PKP2: variants seen among roughly 807,000 people sequenced by gnomAD.
PKP2 encodes plakophilin 2.
In PKP2, 73 loss-of-function variants were observed where a neutral mutation model predicts 83.4. The observed-to-expected ratio is 0.88, with a 90% CI of 0.72 to 1.06. The LOEUF (loss-of-function observed/expected upper bound fraction) is 1.06, where lower values mean the gene tolerates loss of function less well. PKP2 is among the 50% of genes least tolerant of loss of function. The probability of loss-of-function intolerance (pLI) is 0.00; values close to 1 mark genes in which losing one functional copy is unlikely to be tolerated. For synonymous variants in PKP2, 409 were observed against 430.4 expected (o/e 0.95, Z 0.62); for missense variants, 966 against 1,065.4 (o/e 0.91, Z 1.30).
At chr12:32,825,303 G>A (rs900238407) in intron 6 of PKP2, among the ~76,000 whole-genome samples, 2 of 151,658 alleles carry the variant, frequency 1.3e-5, no homozygotes, top group Admixed American at 1.3e-4. Context: ...CGAGTAGCTG[G>A]GACTACAGGC....
chr12:32,834,464 A>G (rs1355157630), intron 6 of PKP2, among the ~76,000 whole-genome samples: 1 of 152,290 alleles, frequency 6.6e-6, no homozygotes, highest in Non-Finnish European at 1.5e-5. Flanking sequence ...CACCTGAAGA[A>G]TGAGGCCACT....
intron 1 of PKP2, chr12:32,893,570 G>C (rs1464217209): frequency 2.6e-5 from 4 of 152,168 alleles, no homozygotes; most frequent in Non-Finnish European, 4.4e-5. Context: ...AAGTAAGTAG[G>C]TGTTGTTTGC....
intron 6 of PKP2, among the ~76,000 whole-genome samples, chr12:32,826,844 C>T (rs757106932): frequency 2.6e-5 from 4 of 152,216 alleles, no homozygotes; most frequent in East Asian, 1.9e-4. Flanking sequence ...CAAAAGTTTC[C>T]GTTACTTTTC....
intron 1 of PKP2, among the ~76,000 whole-genome samples, chr12:32,888,499 T>C (rs1957050069): frequency 6.6e-6 from 1 of 152,074 alleles, no homozygotes; most frequent in Non-Finnish European, 1.5e-5. Flanking sequence ...TTTTCTTTTT[T>C]TTTTTTTGAG....
chr12:32,810,509 C>T (rs1346266473), intron 9 of PKP2, among the ~76,000 whole-genome samples: 1 of 152,144 alleles, frequency 6.6e-6, no homozygotes, highest in Non-Finnish European at 1.5e-5. Flanking sequence ...TCAGGCTAAA[C>T]TCCTTTTGAA....
At chr12:32,822,764 T>C in intron 7 of PKP2, 133 bp from the exon 8 acceptor site, 1 of 883,076 alleles carries the variant, frequency 1.1e-6, no homozygotes, top group Non-Finnish European at 1.8e-6. Context: ...GCGGGTTGCC[T>C]GGGGGAAATG....
At chr12:32,864,495 A>T (rs751712323) in intron 4 of PKP2, among the ~76,000 whole-genome samples, 47 of 152,070 alleles carry the variant, frequency 3.1e-4, no homozygotes, top group Non-Finnish European at 3.2e-4. Flanking sequence ...AGACCTCTAC[A>T]GTAAAAACTA....
intron 4 of PKP2, among the ~76,000 whole-genome samples, chr12:32,853,394 GAAAAAAAA>G (rs79409951): frequency 1.1e-5 from 1 of 87,902 alleles, no homozygotes. Context: ...TTCCTTAAAC[GAAAAAAAA>G]AAAAAAAAAA....
chr12:32,856,802 A>T (rs568608505), intron 4 of PKP2, among the ~76,000 whole-genome samples: 2 of 152,030 alleles, frequency 1.3e-5, no homozygotes, highest in South Asian at 4.2e-4. Context: ...TTGGTGTGAA[A>T]TTACCTGGGT....
intron 4 of PKP2, among the ~76,000 whole-genome samples, chr12:32,852,853 G>A (rs1288380386): frequency 6.6e-6 from 1 of 152,154 alleles, no homozygotes; most frequent in Non-Finnish European, 1.5e-5. Context: ...GGAGGTCAAG[G>A]TGGGCGGATC....
At chr12:32,851,885 A>G (rs1453168279) in intron 4 of PKP2, among the ~76,000 whole-genome samples, 1 of 152,228 alleles carries the variant, frequency 6.6e-6, no homozygotes, top group Non-Finnish European at 1.5e-5. Flanking sequence ...TATTTAAAAA[A>G]TATTCCTTCT....
intron 1 of PKP2, among the ~76,000 whole-genome samples, chr12:32,885,937 T>A (rs997524475): frequency 3.9e-5 from 6 of 152,220 alleles, no homozygotes; most frequent in African/African-American, 1.4e-4. Context: ...AAGCGTCTTT[T>A]CTTTCAATCT....
intron 5 of PKP2, 103 bp from the exon 6 acceptor site, chr12:32,841,308 T>TA: frequency 3.2e-6 from 3 of 951,974 alleles, no homozygotes; most frequent in South Asian, 2.7e-5. Flanking sequence ...TGACTAGTCA[T>TA]AAAAAAATTT....
chr12:32,842,943 G>A (rs1956609966), intron 5 of PKP2, among the ~76,000 whole-genome samples: 1 of 151,674 alleles, frequency 6.6e-6, no homozygotes, highest in Admixed American at 6.6e-5. Context: ...AAAGTGCTGA[G>A]ATTACAGGCG....
At chr12:32,842,842 T>C (rs1184737023) in intron 5 of PKP2, among the ~76,000 whole-genome samples, 1 of 151,836 alleles carries the variant, frequency 6.6e-6, no homozygotes, top group Non-Finnish European at 1.5e-5. Flanking sequence ...GCCTGGCTAA[T>C]TTTTGTATTC....
chr12:32,846,328 C>T (rs1036639457), intron 5 of PKP2, among the ~76,000 whole-genome samples: 1 of 152,158 alleles, frequency 6.6e-6, no homozygotes, highest in East Asian at 1.9e-4. Flanking sequence ...AGAACAATCT[C>T]ACCGGGGTGG....
intron 11 of PKP2, among the ~76,000 whole-genome samples, chr12:32,795,053 A>G (rs759400375): frequency 6.6e-6 from 1 of 152,278 alleles, no homozygotes; most frequent in African/African-American, 2.4e-5. Flanking sequence ...CAAAAGTAAC[A>G]TATCTATTTG....
intron 6 of PKP2, among the ~76,000 whole-genome samples, chr12:32,830,652 A>G (rs1048451306): frequency 3.3e-5 from 5 of 152,160 alleles, no homozygotes; most frequent in African/African-American, 1.2e-4. Context: ...CATGCCTGTA[A>G]TCCCAGCACT....
At chr12:32,882,391 T>C (rs1452749903) in intron 1 of PKP2, among the ~76,000 whole-genome samples, 1 of 152,128 alleles carries the variant, frequency 6.6e-6, no homozygotes, top group Non-Finnish European at 1.5e-5. Context: ...CTTTAGCCCA[T>C]CATCACCTGG....
Sources: gnomAD v4.1 joint callset for allele counts (sites outside exome capture counted in the v4.1 genomes callset) on GRCh38, gnomAD v4.1.1 for gene constraint, MANE v1.5 for transcripts, NCBI Gene and HGNC (gene_info 2026-07-23, HGNC 2026-07-21) for gene names.